The following COG6 variants were observed in gnomAD, a reference collection of about 807,000 sequenced individuals.
COG6 encodes component of oligomeric golgi complex 6, also known as conserved oligomeric Golgi complex subunit 6.
COG6 carries 74 observed loss-of-function variants against 88.8 expected under a neutral mutation model. The observed-to-expected ratio is 0.83, with a 90% CI of 0.69 to 1.01. The LOEUF is 1.01. Among genes scored for constraint, COG6 ranks in the 50% least tolerant of loss-of-function variants. COG6 has a pLI of 0.00. For synonymous variants in COG6, 286 were observed against 278.7 expected, an observed-to-expected ratio of 1.03 and a Z score of -0.26; for missense variants, 800 against 797.9, an observed-to-expected ratio of 1.00 and a Z score of -0.03.
rs1879405448 is a variant in COG6, at chr13:39,730,824, T to C, written c.1826+3276T>C. Among the ~76,000 whole-genome samples, 2 of 145,946 alleles carry C rather than the reference T, an allele frequency of 1.4e-5. 1 individual carries two copies. The highest frequency in any genetic ancestry group is 1.4e-4 in the Admixed American group (2 of 14,552). ...AGATTTAACATTAAAGGAGATTTTC[T>C]TATTTTTATTTTTTTGAGACAGAGT... On this transcript the variant is annotated intron_variant, in intron 18 of 18. Transcript: ENST00000455146.
chr13:39,665,144 C>T lies in COG6; in HGVS notation c.418C>T (p.Gln140Ter). ...TTTAATAGTAAAAACCACTAAGCTTCAATCTGAAAGGTAAGTTTTTCTTCA... is the reference window on the plus strand; with the variant it reads ...TTTAATAGTAAAAACCACTAAGCTTTAATCTGAAAGGTAAGTTTTTCTTCA... ...QDLIVKTTKLQSESQKLEIRA... is the reference protein window; with the variant it reads ...QDLIVKTTKL Residue 140 changes from glutamine (Q) to a stop codon, truncating the protein, a stop_gained, in exon 4 of 19, where the codon CAA becomes TAA. Coordinates refer to ENST00000455146, the MANE Select transcript of COG6 (RefSeq NM_020751.3). LOFTEE classifies it high-confidence loss of function. 1 of 1,536,274 alleles carries T rather than the reference C, an allele frequency of 6.5e-7. No individual in the cohort carries two copies. The highest frequency in any genetic ancestry group is 9.0e-7 in the Non-Finnish European group (1 of 1,110,182).
intron 17 of COG6, 41 bp from the exon 18 acceptor site, chr13:39,727,428 A>G (rs1466892002): frequency 7.0e-7 from 1 of 1,421,514 alleles, no homozygotes; most frequent in East Asian, 2.3e-5. Flanking sequence ...TTGTTAGCAC[A>G]TATATGTACT....
At chr13:39,775,854 C>T (rs369713993) in intron 18 of COG6, among the ~76,000 whole-genome samples, 62 of 151,654 alleles carry the variant, frequency 4.1e-4, no homozygotes, top group African/African-American at 1.5e-3. Flanking sequence ...ACTGCGACCT[C>T]TGCCTCCCAG....
intron 12 of COG6, among the ~76,000 whole-genome samples, chr13:39,699,074 A>G (rs996919035): frequency 6.6e-6 from 1 of 151,868 alleles, no homozygotes; most frequent in African/African-American, 2.4e-5. Flanking sequence ...AACAGTTTTA[A>G]TTAAAAGAAT....
intron 4 of COG6, among the ~76,000 whole-genome samples, chr13:39,668,363 T>A (rs1261848065): frequency 6.6e-6 from 1 of 152,208 alleles, no homozygotes; most frequent in Non-Finnish European, 1.5e-5. Context: ...CTTATATTTT[T>A]AATTTTTTGT....
chr13:39,770,888 G>A (rs572864551), intron 18 of COG6, among the ~76,000 whole-genome samples: 1 of 152,242 alleles, frequency 6.6e-6, no homozygotes, highest in South Asian at 2.1e-4. Flanking sequence ...TTGCCAAGAG[G>A]TTTTTTCAAA....
At chr13:39,756,434 GAGAAAA>G (rs1383950322), downstream of COG6, among the ~76,000 whole-genome samples, 1 of 152,114 alleles carries the variant, frequency 6.6e-6, no homozygotes, top group Non-Finnish European at 1.5e-5. Flanking sequence ...AGGAGTCTCA[GAGAAAA>G]AGAGAAAGAG....
At chr13:39,673,117 T>C (rs914208891) in intron 4 of COG6, among the ~76,000 whole-genome samples, 1 of 152,134 alleles carries the variant, frequency 6.6e-6, no homozygotes, top group African/African-American at 2.4e-5. Flanking sequence ...AAGTTCTTTA[T>C]ATGTTCTGGA....
chr13:39,679,305 T>G, intron 5 of COG6: 1 of 504,246 alleles, frequency 2.0e-6, no homozygotes, highest in Non-Finnish European at 3.6e-6. Flanking sequence ...CTGGCAACTG[T>G]CAACACTATT....
intron 18 of COG6, among the ~76,000 whole-genome samples, chr13:39,786,699 A>G (rs899244908): frequency 3.3e-5 from 5 of 152,192 alleles, no homozygotes; most frequent in Admixed American, 6.5e-5. Flanking sequence ...TGTGAATTCT[A>G]TCTAGCCCTG....
Position 39,689,761 on chromosome 13 carries a change from T to G in COG6, c.1011T>G (p.Gly337=). Residue 337 remains glycine (G), a splice_region_variant and synonymous_variant, in exon 11 of 19, where the codon GGT becomes GGG. Coordinates refer to ENST00000455146, the MANE Select transcript of COG6 (RefSeq NM_020751.3). ...EALLKHVTTQ[G]VEENIQEVVG... is the part of the protein sequence containing the mutation. ...TAATTATGTAGTCATTAATTTTAGG[T>G]GTTGAAGAAAATATTCAAGAAGTTG... The G allele has an allele frequency of 6.2e-7, 1 of 1,600,862 alleles. No individual in the cohort carries two copies. Among genetic ancestry groups the G allele is most frequent in the Non-Finnish European group, 8.5e-7 (1 of 1,169,706 alleles).
rs534768366 is a variant in COG6, at chr13:39,726,833, A to G, written c.1747-636A>G. 2.0e-5 allele frequency among the ~76,000 whole-genome samples: 3 copies of G among 152,154 alleles called. No individual in the cohort carries two copies. The South Asian group carries it at 6.2e-4, about 32-fold the overall frequency. ...CTTACTTAATGTATATTCATCTTTA[A>G]GATTTCACTTCAAATGTCCTTTCCT... On this transcript the variant is annotated intron_variant, in intron 17 of 18. Transcript: ENST00000455146.
chr13:39,696,114 A>G (rs1262350835), intron 12 of COG6, among the ~76,000 whole-genome samples: 1 of 151,944 alleles, frequency 6.6e-6, no homozygotes, highest in Non-Finnish European at 1.5e-5. Flanking sequence ...TGAGAATTAT[A>G]ATTTTTCTAT....
chr13:39,720,679 T>C (rs1878804662), intron 15 of COG6, among the ~76,000 whole-genome samples: 1 of 152,112 alleles, frequency 6.6e-6, no homozygotes, highest in South Asian at 2.1e-4. Context: ...TTCTCATTTC[T>C]CCCTCAAAAG....
exon 19 of COG6, chr13:39,788,459 G>A: frequency 1.8e-6 from 2 of 1,116,202 alleles, no homozygotes; most frequent in African/African-American, 1.6e-5. Context: ...ATAGAAATGT[G>A]GCCAGATGGC....
In COG6 at chr13:39,677,567, A is replaced by C. The variant is rs1235150926; in HGVS notation, c.528A>C (p.Gly176=). ...EMSLLRGTRE[G]PITEDFFKAL... The stretch of plus-strand genomic sequence containing the variant: ...GTCTTCTCCGAGGTACAAGAGAAGG[A>C]CCCATTACTGAGGTATCCTGGCTTT... Residue 176 remains glycine (G), a synonymous_variant, in exon 5 of 19, where the codon GGA becomes GGC. Transcript: ENST00000455146. 1.3e-6 allele frequency: 2 copies of C among 1,596,006 alleles called. No homozygotes were observed. Among genetic ancestry groups the C allele is most frequent in the Admixed American group, 3.3e-5 (2 of 59,934 alleles).
At chr13:39,776,827 T>C (rs1428664196) in intron 18 of COG6, among the ~76,000 whole-genome samples, 1 of 152,226 alleles carries the variant, frequency 6.6e-6, no homozygotes, top group Non-Finnish European at 1.5e-5. Context: ...CCCCTTGCTT[T>C]TGTTTAGTTT....
Position 39,752,298 on chromosome 13 carries a change from T to G in COG6, c.*1205T>G. 1 of 848,810 alleles carries G rather than the reference T, an allele frequency of 1.2e-6. No individual in the cohort carries two copies. Among genetic ancestry groups the G allele is most frequent in the East Asian group, 6.4e-5 (1 of 15,668 alleles). 52.6% of individuals were successfully genotyped at this position (848,810 alleles called of 1,614,324 possible). A position where few individuals can be genotyped will look rare whatever the true frequency, so the allele number is the denominator to read the frequency against. On this transcript the variant is annotated 3_prime_UTR_variant, in exon 19 of 19. Coordinates refer to ENST00000455146, the MANE Select transcript of COG6 (RefSeq NM_020751.3). Reference sequence around the variant, plus strand: ...CTAGTATTTGTAGAAGATTATGTGTTGTATATAACAAATTAGTATTTATAG... The same window carrying G: ...CTAGTATTTGTAGAAGATTATGTGTGGTATATAACAAATTAGTATTTATAG...
chr13:39,761,658 G>T (rs2138164602), intron 18 of COG6, among the ~76,000 whole-genome samples: 1 of 151,466 alleles, frequency 6.6e-6, no homozygotes, highest in African/African-American at 2.4e-5. Context: ...GAACATACAA[G>T]GACCTCAAAC....
Sources: gnomAD v4.1 joint callset for allele counts (sites outside exome capture counted in the v4.1 genomes callset) on GRCh38, gnomAD v4.1.1 for gene constraint, MANE v1.5 for transcripts, NCBI Gene and HGNC (gene_info 2026-07-23, HGNC 2026-07-21) for gene names.